RIPOR2: variants seen among roughly 807,000 people sequenced by gnomAD.
RIPOR2 encodes RHO family interacting cell polarization regulator 2.
A neutral mutation model predicts 114.5 loss-of-function variants in RIPOR2; 39 were observed. The observed-to-expected ratio is 0.34, with a 90% confidence interval of 0.26 to 0.44. RIPOR2 has a LOEUF of 0.44. Among genes scored for constraint, RIPOR2 ranks in the 20% least tolerant of loss-of-function variants. The pLI is 1.00. For synonymous variants in RIPOR2, 445 were observed against 484.4 expected, an observed-to-expected ratio of 0.92 and a Z score of 1.07; for missense variants, 1,007 against 1,255.1, an observed-to-expected ratio of 0.80 and a Z score of 2.99.
intron 1 of RIPOR2, among the ~76,000 whole-genome samples, chr6:25,032,409 C>T (rs537894686): frequency 8.0e-4 from 122 of 152,252 alleles, no homozygotes; most frequent in African/African-American, 2.8e-3. Flanking sequence ...AAGCCACCTG[C>T]TCCCAAGCAC....
intron 1 of RIPOR2, among the ~76,000 whole-genome samples, chr6:24,987,072 T>G (rs1297123415): frequency 2.0e-5 from 3 of 152,174 alleles, no homozygotes; most frequent in African/African-American, 7.2e-5. Flanking sequence ...AATCAACAGG[T>G]CAAAGTTACA....
rs1025195623 is a variant in RIPOR2, at chr6:24,828,018, C to T, written c.2665+119G>A. 8 of 838,652 alleles carry T rather than the reference C, an allele frequency of 9.5e-6. No homozygotes were observed. In the African/African-American group the frequency reaches 1.1e-4, roughly 11 times the overall value. 52.0% of individuals were successfully genotyped at this position (838,652 alleles called of 1,614,324 possible). The stretch of plus-strand genomic sequence containing the variant: ...CAAAAGTCACTTAAAAGGCAAATTG[C>T]ACCTCTACTGTGGACTTGAAAAATA... On this transcript the variant is annotated intron_variant, in intron 18 of 21. Transcript: ENST00000643898.
chr6:25,012,215 A>G (rs966091441), intron 1 of RIPOR2, among the ~76,000 whole-genome samples: 1 of 152,222 alleles, frequency 6.6e-6, no homozygotes, highest in Non-Finnish European at 1.5e-5. Flanking sequence ...AAAAAGATAG[A>G]TAATATAATA....
At chr6:24,862,738 G>A (rs1001555316) in intron 7 of RIPOR2, among the ~76,000 whole-genome samples, 5 of 152,028 alleles carry the variant, frequency 3.3e-5, no homozygotes, top group African/African-American at 7.3e-5. Flanking sequence ...TCTGAAAAAC[G>A]TGAGAGCAGC....
rs35638159 is a variant in RIPOR2, at chr6:24,819,662, A to ATTTTTTTTTTTTTTT, written c.2869-1052_2869-1038dup. The stretch of plus-strand genomic sequence containing the variant: ...AGGTGCCCACCACCACGCCCAGCTA[A>ATTTTTTTTTTTTTTT]TTTTTTTTTTTTTTTTTTTTAGTGG... On this transcript the variant is annotated intron_variant, in intron 19 of 21. Transcript: ENST00000643898. Among the ~76,000 whole-genome samples, 294 of 103,196 alleles carry ATTTTTTTTTTTTTTT rather than the reference A, an allele frequency of 2.8e-3. 10 individuals carry two copies. Among genetic ancestry groups the ATTTTTTTTTTTTTTT allele is most frequent in the South Asian group, 8.1e-3 (19 of 2,360 alleles). 67.7% of individuals were successfully genotyped at this position (103,196 alleles called of 152,430 possible).
chr6:24,909,601 G>A (rs1007937117), intron 1 of RIPOR2, among the ~76,000 whole-genome samples: 2 of 152,046 alleles, frequency 1.3e-5, no homozygotes, highest in African/African-American at 2.4e-5. Context: ...TCGAGCAGAC[G>A]CTCACACAGG....
chr6:24,853,122 T>C (rs755125729), intron 8 of RIPOR2, among the ~76,000 whole-genome samples: 10 of 152,212 alleles, frequency 6.6e-5, no homozygotes, highest in Non-Finnish European at 1.3e-4. Flanking sequence ...CCTTTTTATC[T>C]GGTGTAATGA....
rs148274667 is a variant in RIPOR2 at position 24,926,221 on chromosome 6, G to A, written c.61+9617C>T. On this transcript the variant is annotated intron_variant, in intron 1 of 21. Transcript: ENST00000643898. ...GTTTTTAAAAGAACTCTGTAAAGTGGTGATGGGGGAGGCAGTGCCTCTGAT... is the reference window on the plus strand; with the variant it reads ...GTTTTTAAAAGAACTCTGTAAAGTGATGATGGGGGAGGCAGTGCCTCTGAT... Among the ~76,000 whole-genome samples the A allele has an allele frequency of 7.2e-5, 11 of 152,298 alleles. 1 individual carries two copies. The highest frequency in any genetic ancestry group is 2.6e-4 in the African/African-American group (11 of 41,564).
At chr6:24,856,068 A>T (rs2113806360) in intron 8 of RIPOR2, among the ~76,000 whole-genome samples, 1 of 152,230 alleles carries the variant, frequency 6.6e-6, no homozygotes, top group Non-Finnish European at 1.5e-5. Context: ...GAGAGTCTTA[A>T]ATGAACGCTT....
chr6:25,021,995 A>C (rs778552397), intron 1 of RIPOR2, among the ~76,000 whole-genome samples: 1 of 152,210 alleles, frequency 6.6e-6, no homozygotes, highest in Non-Finnish European at 1.5e-5. Flanking sequence ...TGCCAAGGGA[A>C]AGATAAACAT....
intron 13 of RIPOR2, 101 bp from the exon 14 acceptor site, chr6:24,839,373 C>G: frequency 3.5e-6 from 5 of 1,440,456 alleles, no homozygotes; most frequent in Non-Finnish European, 4.6e-6. Context: ...TTTTTTGTTT[C>G]AAGTTTTTAT....
At chr6:25,004,608 G>A (rs1348240217) in intron 1 of RIPOR2, among the ~76,000 whole-genome samples, 1 of 152,198 alleles carries the variant, frequency 6.6e-6, no homozygotes, top group East Asian at 1.9e-4. Flanking sequence ...CTGCTCAGCA[G>A]GCCAATCAGA....
intron 1 of RIPOR2, among the ~76,000 whole-genome samples, chr6:24,912,466 C>A (rs867582876): frequency 1.4e-5 from 2 of 138,162 alleles, no homozygotes; most frequent in Non-Finnish European, 3.1e-5. Context: ...TTGCCCCCCC[C>A]CTTTTTTTTT....
intron 1 of RIPOR2, among the ~76,000 whole-genome samples, chr6:24,919,635 C>T (rs1179730789): frequency 1.3e-5 from 2 of 152,302 alleles, no homozygotes; most frequent in African/African-American, 4.8e-5. Flanking sequence ...TAAATGTGAA[C>T]ACCTGCTCTC....
chr6:24,975,931 T>C (rs1179652901), intron 1 of RIPOR2, among the ~76,000 whole-genome samples: 3 of 152,178 alleles, frequency 2.0e-5, no homozygotes, highest in Non-Finnish European at 2.9e-5. Flanking sequence ...AACGTGAATA[T>C]ACTTTAGCAC....
intron 1 of RIPOR2, among the ~76,000 whole-genome samples, chr6:25,028,451 C>G (rs1318560593): frequency 6.6e-6 from 1 of 152,210 alleles, no homozygotes; most frequent in East Asian, 1.9e-4. Flanking sequence ...CTCTGTTCTG[C>G]CACACTGTGG....
intron 1 of RIPOR2, chr6:25,041,694 A>G (rs985755951): frequency 1.5e-5 from 9 of 584,842 alleles, no homozygotes; most frequent in Admixed American, 9.7e-5. Flanking sequence ...CGGTAAAAAA[A>G]TACCAAAGTC....
In RIPOR2 at chr6:24,809,827, T is replaced by A. The variant is rs1233341986; in HGVS notation, c.2953-20A>T. 43 of 1,476,662 alleles carry A rather than the reference T, an allele frequency of 2.9e-5. No individual in the cohort carries two copies. Among genetic ancestry groups the A allele is most frequent in the Non-Finnish European group, 4.0e-5 (43 of 1,078,796 alleles). 91.5% of individuals were successfully genotyped at this position (1,476,662 alleles called of 1,614,324 possible). ...AGTAGCCTATGGGGGAAAAATAGGT[T>A]AAATCGTGTTTTGACATTTAGGTCT... On this transcript the variant is annotated intron_variant, in intron 20 of 21. Coordinates refer to ENST00000643898, the MANE Select transcript of RIPOR2 (RefSeq NM_001286445.3).
chr6:24,978,020 T>G (rs775035516), intron 1 of RIPOR2, among the ~76,000 whole-genome samples: 1 of 152,192 alleles, frequency 6.6e-6, no homozygotes, highest in Non-Finnish European at 1.5e-5. Flanking sequence ...TGTTAAGCTG[T>G]GTGAATTGAA....
Sources: gnomAD v4.1 joint callset for allele counts (sites outside exome capture counted in the v4.1 genomes callset) on GRCh38, gnomAD v4.1.1 for gene constraint, MANE v1.5 for transcripts, NCBI Gene and HGNC (gene_info 2026-07-23, HGNC 2026-07-21) for gene names.